The following BMPR2 variants were observed in gnomAD, a reference collection of about 807,000 sequenced individuals.
The protein encoded by BMPR2 is bone morphogenetic protein receptor type-2.
Under a neutral mutation model 100.8 loss-of-function variants are expected in BMPR2, and 29 were observed. The observed-to-expected ratio is 0.29, with a 90% CI of 0.21 to 0.39. BMPR2 has a LOEUF of 0.39. Among genes scored for constraint, BMPR2 ranks in the 10% least tolerant of loss-of-function variants. The pLI, the probability that BMPR2 is intolerant of heterozygous loss-of-function variation, is 1.00. For missense variants in BMPR2, 1,011 were observed against 1,274.5 expected, an observed-to-expected ratio of 0.79 and a Z score of 3.15; for synonymous variants, 382 against 442.3, an observed-to-expected ratio of 0.86 and a Z score of 1.71.
At position 202,560,009 on chromosome 2, in the gene BMPR2, T is replaced by A; in HGVS notation, c.*63T>A. 1 of 1,599,264 alleles carries A rather than the reference T, an allele frequency of 6.3e-7. No homozygotes were observed. The highest frequency in any genetic ancestry group is 1.7e-5 in the Admixed American group (1 of 58,438). ...ATCATTTAAACATGCAGAAGATGTTTAAAAATAAAAAAAAAACTGCTTTAT... is the reference window on the plus strand; with the variant it reads ...ATCATTTAAACATGCAGAAGATGTTAAAAAATAAAAAAAAAACTGCTTTAT... On this transcript the variant is annotated 3_prime_UTR_variant, in exon 13 of 13. Coordinates refer to ENST00000374580, the MANE Select transcript of BMPR2 (RefSeq NM_001204.7).
intron 1 of BMPR2, among the ~76,000 whole-genome samples, chr2:202,455,872 T>G (rs900416112): frequency 2.0e-5 from 3 of 151,640 alleles, no homozygotes; most frequent in Non-Finnish European, 4.4e-5. Flanking sequence ...GAGACCATTC[T>G]GGCTAACACA....
At chr2:202,553,890 G>A (rs1028358342) in intron 11 of BMPR2, among the ~76,000 whole-genome samples, 2 of 152,140 alleles carry the variant, frequency 1.3e-5, no homozygotes, top group Non-Finnish European at 2.9e-5. Flanking sequence ...GTTTCACCAT[G>A]TTAGCCAGAC....
At chr2:202,458,401 C>T (rs1001547148) in intron 1 of BMPR2, among the ~76,000 whole-genome samples, 11 of 151,614 alleles carry the variant, frequency 7.3e-5, no homozygotes, top group South Asian at 2.1e-4. Flanking sequence ...GCCTGAAAGC[C>T]GGAGGTTGCA....
intron 3 of BMPR2, among the ~76,000 whole-genome samples, chr2:202,483,566 T>C (rs189705507): frequency 4.6e-5 from 7 of 152,082 alleles, no homozygotes; most frequent in Middle Eastern, 3.4e-3. Flanking sequence ...ATCTGGCTAA[T>C]TTTTGTATTT....
At chr2:202,389,381 G>T (rs941499567) in intron 1 of BMPR2, among the ~76,000 whole-genome samples, 11 of 150,236 alleles carry the variant, frequency 7.3e-5, no homozygotes, top group Non-Finnish European at 1.5e-4. Flanking sequence ...CAAAAAATTA[G>T]CTTGGCGTGG....
chr2:202,533,636 A>C (rs1688069169), intron 9 of BMPR2, among the ~76,000 whole-genome samples: 1 of 152,180 alleles, frequency 6.6e-6, no homozygotes, highest in African/African-American at 2.4e-5. Context: ...CAGCCTGGCC[A>C]ATATGGTGAA....
chr2:202,536,097 G>T lies in BMPR2; in HGVS notation c.1276+3365G>T, dbSNP rs375144883. On this transcript the variant is annotated intron_variant, in intron 9 of 12. Coordinates refer to ENST00000374580, the MANE Select transcript of BMPR2 (RefSeq NM_001204.7). ...GGGAGAGGGAGACCGTGGGGAGAGG[G>T]AGAGGGAGAGGGAGCTAAATAAAAT... Among the ~76,000 whole-genome samples, 19 of 152,124 alleles carry T rather than the reference G, an allele frequency of 1.2e-4. No individual in the cohort carries two copies. The East Asian group carries it at 3.5e-3, about 28-fold the overall frequency.
rs578187339 is a variant in BMPR2, at chr2:202,495,227, C to T, written c.419-18492C>T. Among the ~76,000 whole-genome samples the T allele has an allele frequency of 6.6e-6, 1 of 152,306 alleles. No homozygotes were observed. The highest frequency in any genetic ancestry group is 1.9e-4 in the East Asian group (1 of 5,190). On this transcript the variant is annotated intron_variant, in intron 3 of 12. Coordinates refer to ENST00000374580, the MANE Select transcript of BMPR2 (RefSeq NM_001204.7). This position sits in a 1 kb window ranked among gnomAD's most constrained non-coding sequence, Gnocchi z 4.5. ...CCTTGGTGTACGGGAAGAGTCGGCT[C>T]ACACCTGGGCTTGGAGAATGAGTGC...
chr2:202,414,114 T>C (rs989010908), intron 1 of BMPR2, among the ~76,000 whole-genome samples: 8 of 152,244 alleles, frequency 5.3e-5, no homozygotes, highest in African/African-American at 1.9e-4. Flanking sequence ...CTCAACACCA[T>C]TTTTCCAACA....
chr2:202,438,369 CTTTG>C (rs1289131168), intron 1 of BMPR2, among the ~76,000 whole-genome samples: 3 of 150,500 alleles, frequency 2.0e-5, no homozygotes, highest in East Asian at 3.9e-4. Context: ...GATACTAGTA[CTTTG>C]TTAGTTATAT....
At chr2:202,483,360 T>C (rs1354241443) in intron 3 of BMPR2, among the ~76,000 whole-genome samples, 2 of 151,998 alleles carry the variant, frequency 1.3e-5, no homozygotes, top group Admixed American at 1.3e-4. Context: ...TGTTTTTGTT[T>C]GTTGGTTGGT....
intron 1 of BMPR2, among the ~76,000 whole-genome samples, chr2:202,387,857 C>A (rs923012404): frequency 6.6e-6 from 1 of 152,070 alleles, no homozygotes; most frequent in African/African-American, 2.4e-5. Flanking sequence ...ACTTCACAAA[C>A]GACTGTATTG....
At chr2:202,401,035 A>C (rs1247640146) in intron 1 of BMPR2, among the ~76,000 whole-genome samples, 1 of 152,232 alleles carries the variant, frequency 6.6e-6, no homozygotes, top group African/African-American at 2.4e-5. Context: ...AAATTGTGAA[A>C]GGGCATAAAA....
chr2:202,377,497 C>T lies in BMPR2; in HGVS notation c.23C>T (p.Pro8Leu). 6.2e-7 allele frequency: 1 copy of T among 1,614,272 alleles called. No individual in the cohort carries two copies. The highest frequency in any genetic ancestry group is 8.5e-7 in the Non-Finnish European group (1 of 1,180,052). MTSSLQR[P>L]WRVPWLPWTI... ...GGGATGACTTCCTCGCTGCAGCGGC[C>T]CTGGCGGGTGCCCTGGCTACCATGG... The change falls in exon 1 of 13, where the codon CCC (proline) becomes CTC (leucine). Residue 8 changes from proline to leucine, a missense_variant. By Grantham distance (98) the Pro-to-Leu change is moderately conservative. Coordinates refer to ENST00000374580, the MANE Select transcript of BMPR2 (RefSeq NM_001204.7).
chr2:202,444,831 C>G lies in BMPR2; in HGVS notation c.77-19978C>G, dbSNP rs138630923. Reference sequence around the variant, plus strand: ...GAGATGGAGTTTCACCCTTGTTTCCCAGGCTGAAGTGCAATGGCACGATCT... The same window carrying G: ...GAGATGGAGTTTCACCCTTGTTTCCGAGGCTGAAGTGCAATGGCACGATCT... On this transcript the variant is annotated intron_variant, in intron 1 of 12. Coordinates refer to ENST00000374580, the MANE Select transcript of BMPR2 (RefSeq NM_001204.7). Among the ~76,000 whole-genome samples the G allele has an allele frequency of 3.8e-4, 57 of 150,840 alleles. 5 individuals carry two copies. The highest frequency in any genetic ancestry group is 7.9e-4 in the Admixed American group (12 of 15,242).
chr2:202,387,918 AATTT>A (rs1690462043), intron 1 of BMPR2, among the ~76,000 whole-genome samples: 1 of 152,224 alleles, frequency 6.6e-6, no homozygotes. Flanking sequence ...TGAAGAGATG[AATTT>A]ATTCATGTTA....
In BMPR2 at chr2:202,556,201, A is replaced by G; in HGVS notation, c.2536A>G (p.Met846Val). Residue 846 changes from methionine to valine, a missense_variant, in exon 12 of 13, where the codon ATG becomes GTG. Around this residue, in one of 6 missense-constraint regions of BMPR2, gnomAD observed 508 missense variants for 552.0 expected, o/e 0.92. Coordinates refer to ENST00000374580, the MANE Select transcript of BMPR2 (RefSeq NM_001204.7). Reference protein sequence around the residue: ...TNIVTHRAQEMLQNQFIGEDT... With the variant: ...TNIVTHRAQEVLQNQFIGEDT... The stretch of plus-strand genomic sequence containing the variant: ...CATAGTGACACATAGGGCCCAAGAA[A>G]TGTTGCAGAATCAGTTTATTGGTGA... 5.0e-6 allele frequency: 8 copies of G among 1,611,332 alleles called. No homozygotes were observed. The highest frequency in any genetic ancestry group is 6.8e-6 in the Non-Finnish European group (8 of 1,177,820).
At chr2:202,475,326 G>T (rs1023292835) in intron 3 of BMPR2, among the ~76,000 whole-genome samples, 1 of 151,996 alleles carries the variant, frequency 6.6e-6, no homozygotes, top group African/African-American at 2.4e-5. Flanking sequence ...GAGTCACCAC[G>T]CCCGGCCACA....
intron 1 of BMPR2, among the ~76,000 whole-genome samples, chr2:202,391,456 C>T (rs1206535430): frequency 6.6e-6 from 1 of 151,944 alleles, no homozygotes; most frequent in Non-Finnish European, 1.5e-5. Context: ...AAGTGTGTAC[C>T]ACCATGCCCG....
Sources: allele counts gnomAD v4.1 joint callset (sites outside exome capture counted in the v4.1 genomes callset), GRCh38; gene constraint gnomAD v4.1.1; regional missense constraint gnomAD v4.1.1; non-coding constraint Gnocchi (gnomAD v3.1); transcripts MANE v1.5; gene names NCBI Gene and HGNC (gene_info 2026-07-23, HGNC 2026-07-21).